Variants in TMCO5A observed in about 807,000 individuals in gnomAD.
TMCO5A encodes transmembrane and coiled-coil domains 5A.
A neutral mutation model predicts 42.3 loss-of-function variants in TMCO5A; 34 were observed. That is an observed-to-expected ratio of 0.80 (90% CI 0.61 to 1.07). The LOEUF (loss-of-function observed/expected upper bound fraction) is 1.07, where lower values mean the gene tolerates loss of function less well. TMCO5A is among the 50% of genes least tolerant of loss of function. TMCO5A has a pLI of 0.00. For synonymous variants in TMCO5A, 131 were observed against 115.6 expected (o/e 1.13, Z -0.86); for missense variants, 357 against 327.9 (o/e 1.09, Z -0.69).
the TMCO5A span, among the ~76,000 whole-genome samples, chr15:38,034,929 A>C: frequency 7.9e-5 from 12 of 152,186 alleles, no homozygotes; most frequent in Admixed American, 2.6e-4. Flanking sequence ...CTTCCAAACC[A>C]TGTTCCAGGT....
At chr15:38,025,159 TTGGG>T in the TMCO5A span, 60 of 98,650 alleles carry the variant, frequency 6.1e-4, no homozygotes, top group African/African-American at 2.2e-3. Flanking sequence ...GCCACAGCTT[TTGGG>T]TGTGTGTGTG....
intron 2 of TMCO5A, among the ~76,000 whole-genome samples, chr15:37,935,818 T>C (rs1398943716): frequency 6.6e-6 from 1 of 151,928 alleles, no homozygotes. Flanking sequence ...GGGAGAGGTG[T>C]TGAGGTGGGA....
chr15:37,954,379 G>C (rs1297680217), downstream of TMCO5A, among the ~76,000 whole-genome samples: 1 of 152,066 alleles, frequency 6.6e-6, no homozygotes. Context: ...AAATCTTACA[G>C]ACCAGGGGAG....
At chr15:37,963,977 C>T (rs1489828326) in intron 11 of TMCO5A, among the ~76,000 whole-genome samples, 3 of 152,154 alleles carry the variant, frequency 2.0e-5, no homozygotes, top group African/African-American at 7.2e-5. Context: ...TAATAATTAA[C>T]CTCCTGAATT....
chr15:37,974,666 A>G, the TMCO5A span, among the ~76,000 whole-genome samples: 7,122 of 151,456 alleles, frequency 0.047, 551 homozygotes, highest in African/African-American at 0.16. Context: ...CTAGCTAGTG[A>G]TCTACTAATC....
At chr15:37,972,449 AT>A (rs1386832455), downstream of TMCO5A, among the ~76,000 whole-genome samples, 2 of 152,062 alleles carry the variant, frequency 1.3e-5, no homozygotes, top group East Asian at 1.9e-4. Flanking sequence ...AGCATTTGTT[AT>A]TTTTTGAGTT....
chr15:38,008,055 C>A, the TMCO5A span, among the ~76,000 whole-genome samples: 1 of 151,828 alleles, frequency 6.6e-6, no homozygotes, highest in Non-Finnish European at 1.5e-5. Flanking sequence ...GCCACCACGC[C>A]TGGCTAATTT....
chr15:38,011,646 T>C, the TMCO5A span, among the ~76,000 whole-genome samples: 1 of 152,196 alleles, frequency 6.6e-6, no homozygotes, highest in African/African-American at 2.4e-5. Flanking sequence ...GTCTGTTTAT[T>C]ATAGAATGCA....
chr15:38,026,882 C>T, the TMCO5A span, among the ~76,000 whole-genome samples: 25 of 152,212 alleles, frequency 1.6e-4, no homozygotes, highest in Non-Finnish European at 2.6e-4. Context: ...TGACAGCTTC[C>T]ACGTGGTGTT....
intron 11 of TMCO5A, among the ~76,000 whole-genome samples, chr15:37,962,571 G>C (rs963319503): frequency 6.6e-6 from 1 of 151,962 alleles, no homozygotes; most frequent in Non-Finnish European, 1.5e-5. Flanking sequence ...TTGGGGGATG[G>C]GGGTTCCCTC....
At chr15:37,940,442 A>G (rs777616946) in intron 6 of TMCO5A, among the ~76,000 whole-genome samples, 37 of 152,126 alleles carry the variant, frequency 2.4e-4, no homozygotes, top group Non-Finnish European at 5.1e-4. Context: ...TTTAGCTAGC[A>G]TTTATCATTT....
the TMCO5A span, among the ~76,000 whole-genome samples, chr15:37,972,814 T>C: frequency 1.3e-5 from 2 of 152,160 alleles, no homozygotes; most frequent in African/African-American, 2.4e-5. Context: ...TGGGTTTTGT[T>C]GCAATTGTTT....
chr15:38,003,222 G>GTCTCTCTCTCTC, the TMCO5A span, among the ~76,000 whole-genome samples: 5,351 of 147,078 alleles, frequency 0.036, 334 homozygotes, highest in African/African-American at 0.13. Flanking sequence ...CCCAAACAGA[G>GTCTCTCTCTCTC]TCTCTCTCTC....
At chr15:38,010,361 C>A in the TMCO5A span, among the ~76,000 whole-genome samples, 5 of 118,468 alleles carry the variant, frequency 4.2e-5, no homozygotes, top group African/African-American at 1.7e-4. Context: ...CCAGCCTGGG[C>A]GACAGAGCGA....
At chr15:37,966,354 A>G (rs1261066333) in intron 11 of TMCO5A, among the ~76,000 whole-genome samples, 1 of 152,108 alleles carries the variant, frequency 6.6e-6, no homozygotes, top group Non-Finnish European at 1.5e-5. Context: ...TAACAATTTA[A>G]TTATACATTT....
At chr15:38,009,128 T>G in the TMCO5A span, among the ~76,000 whole-genome samples, 14 of 152,236 alleles carry the variant, frequency 9.2e-5, no homozygotes, top group African/African-American at 3.4e-4. Context: ...TGGCAAATGC[T>G]GAACAGATCC....
chr15:38,001,452 T>A, the TMCO5A span, among the ~76,000 whole-genome samples: 1 of 146,942 alleles, frequency 6.8e-6, no homozygotes, highest in Non-Finnish European at 1.5e-5. Context: ...TTTTTTTTTT[T>A]AACGAATTAG....
At chr15:37,974,098 C>T in the TMCO5A span, among the ~76,000 whole-genome samples, 418 of 152,170 alleles carry the variant, frequency 2.7e-3, 4 homozygotes, top group African/African-American at 9.6e-3. Flanking sequence ...ACCTTGCATC[C>T]CAGAGATTAA....
the TMCO5A span, among the ~76,000 whole-genome samples, chr15:38,024,290 A>G: frequency 6.6e-6 from 1 of 152,284 alleles, no homozygotes; most frequent in East Asian, 1.9e-4. Context: ...ATGGCAGTCA[A>G]CTCAGTGCTG....
Sources: gnomAD v4.1 joint callset for allele counts (sites outside exome capture counted in the v4.1 genomes callset) on GRCh38, gnomAD v4.1.1 for gene constraint, MANE v1.5 for transcripts, NCBI Gene and HGNC (gene_info 2026-07-23, HGNC 2026-07-21) for gene names.